Variants in DGKH observed in about 807,000 individuals in gnomAD.
DGKH encodes DAG kinase eta.
DGKH carries 90 observed loss-of-function variants against 159.3 expected under a neutral mutation model. The ratio of observed to expected loss-of-function variants is 0.57; its 90% CI spans 0.48 to 0.67. The LOEUF (loss-of-function observed/expected upper bound fraction) is 0.67, where lower values mean the gene tolerates loss of function less well. DGKH is among the 30% of genes least tolerant of loss of function. DGKH has a pLI of 0.00. For synonymous variants in DGKH, 536 were observed against 553.8 expected (o/e 0.97, Z 0.45); for missense variants, 1,181 against 1,506.1 (o/e 0.78, Z 3.57).
At chr13:42,255,869 A>T in intron 30 of DGKH, 2 of 1,046,580 alleles carry the variant, frequency 1.9e-6, no homozygotes, top group Admixed American at 2.4e-5. Flanking sequence ...AAAGAGACTG[A>T]TAGAGAAGGT....
At chr13:42,155,493 C>G in intron 4 of DGKH, 98 bp downstream of exon 4, 3 of 1,461,400 alleles carry the variant, frequency 2.1e-6, no homozygotes, top group Non-Finnish European at 2.8e-6. Context: ...TGTGTACACT[C>G]ATTCAGCAAC....
downstream of DGKH, among the ~76,000 whole-genome samples, chr13:42,246,191 C>T (rs1170233045): frequency 1.3e-5 from 2 of 152,202 alleles, no homozygotes; most frequent in South Asian, 2.1e-4. Context: ...TGTGCCACCA[C>T]CAGTACGTTC....
intron 3 of DGKH, among the ~76,000 whole-genome samples, chr13:42,147,847 G>T (rs1396529822): frequency 1.3e-5 from 2 of 152,110 alleles, no homozygotes; most frequent in African/African-American, 4.8e-5. Context: ...TTTGTTCTCG[G>T]AAGGTGCCTG....
chr13:42,042,600 A>T (rs1050059554), intron 1 of DGKH, among the ~76,000 whole-genome samples: 1 of 152,140 alleles, frequency 6.6e-6, no homozygotes, highest in Non-Finnish European at 1.5e-5. Context: ...CTCTGCACCT[A>T]TTTTCATTCC....
rs1031461867 is a variant in DGKH, at chr13:42,241,377, A to G, written c.*12189A>G. On this transcript the variant is annotated 3_prime_UTR_variant, in exon 30 of 30. Coordinates refer to ENST00000337343, the MANE Select transcript of DGKH (RefSeq NM_178009.5). ...AGAGAGGAGTCTCCTTCCACCCAAA[A>G]AAACTAACCAAATTATTTTATCATA... 1.2e-4 allele frequency: 19 copies of G among 152,198 alleles called. No individual in the cohort carries two copies. The highest frequency in any genetic ancestry group is 4.6e-4 in the African/African-American group (19 of 41,456). 9.4% of individuals were successfully genotyped at this position (152,198 alleles called of 1,614,324 possible).
chr13:42,070,496 G>A, intron 1 of DGKH: 1 of 1,278,334 alleles, frequency 7.8e-7, no homozygotes, highest in East Asian at 2.3e-5. Context: ...TAAAAGACAT[G>A]GAGATCTGTA....
intron 1 of DGKH, among the ~76,000 whole-genome samples, chr13:42,056,901 T>C (rs1881802774): frequency 6.6e-6 from 1 of 152,196 alleles, no homozygotes; most frequent in Non-Finnish European, 1.5e-5. Context: ...TATTCGTTTG[T>C]TTAATCCATG....
chr13:42,201,652 G>A (rs555656446), intron 20 of DGKH, among the ~76,000 whole-genome samples: 1 of 152,026 alleles, frequency 6.6e-6, no homozygotes, highest in Non-Finnish European at 1.5e-5. Context: ...TGGCATTCTG[G>A]TGAAAATAAA....
chr13:42,173,964 C>CGTGT (rs1555270275), intron 11 of DGKH, 96 bp from the exon 12 acceptor site: 171 of 604,356 alleles, frequency 2.8e-4, no homozygotes, highest in African/African-American at 9.0e-4. Flanking sequence ...TGTGTGCGTG[C>CGTGT]GTGTGTGTGT....
intron 1 of DGKH, among the ~76,000 whole-genome samples, chr13:42,078,049 G>T (rs1213157336): frequency 2.0e-5 from 3 of 152,158 alleles, no homozygotes; most frequent in Non-Finnish European, 4.4e-5. Flanking sequence ...TTGTTATATA[G>T]TTGCTCCTAT....
chr13:42,118,695 G>A (rs1212416963), intron 1 of DGKH, among the ~76,000 whole-genome samples: 1 of 152,226 alleles, frequency 6.6e-6, no homozygotes, highest in Non-Finnish European at 1.5e-5. Flanking sequence ...AAGTGGAGCA[G>A]AGGATATTTA....
intron 28 of DGKH, 118 bp downstream of exon 28, chr13:42,219,912 A>G (rs1566208098): frequency 7.7e-6 from 6 of 777,942 alleles, no homozygotes; most frequent in Non-Finnish European, 1.3e-5. Flanking sequence ...ATTGTGCAGT[A>G]TGATGAACAT....
chr13:42,210,537 G>C, intron 23 of DGKH, 65 bp from the exon 24 acceptor site: 6 of 1,448,978 alleles, frequency 4.1e-6, no homozygotes, highest in Non-Finnish European at 5.6e-6. Context: ...TTTTATTAAA[G>C]CACACATTTA....
At position 42,168,479 on chromosome 13, in the gene DGKH, T is replaced by G. The variant is rs747919793; in HGVS notation, c.1158T>G (p.Leu386=). 4 of 1,614,072 alleles carry G rather than the reference T, an allele frequency of 2.5e-6. No homozygotes were observed. The highest frequency in any genetic ancestry group is 3.4e-6 in the Non-Finnish European group (4 of 1,180,018). ...LFQKFDNFRI[L]VCGGDGSVGW... is the part of the protein sequence containing the mutation. ...AGAAGTTTGACAATTTCCGGATTCT[T>G]GTTTGTGGAGGCGATGGAAGTGTAG... The change falls in exon 10 of 30, where the codon CTT becomes CTG. Residue 386 remains leucine, a synonymous_variant. Coordinates refer to ENST00000337343, the MANE Select transcript of DGKH (RefSeq NM_178009.5).
At chr13:42,218,224 A>T (rs529101485) in intron 26 of DGKH, among the ~76,000 whole-genome samples, 2 of 152,314 alleles carry the variant, frequency 1.3e-5, no homozygotes, top group East Asian at 3.9e-4. Context: ...TTGAACTTGT[A>T]AGTGCATTTT....
chr13:42,058,270 T>C (rs1215513667), intron 1 of DGKH, among the ~76,000 whole-genome samples: 1 of 152,234 alleles, frequency 6.6e-6, no homozygotes, highest in Non-Finnish European at 1.5e-5. Context: ...CCAATTTTCT[T>C]TCTCATTGAT....
At chr13:42,101,545 CATT>C (rs1361152801) in intron 1 of DGKH, among the ~76,000 whole-genome samples, 1 of 152,196 alleles carries the variant, frequency 6.6e-6, no homozygotes, top group Non-Finnish European at 1.5e-5. Context: ...ACATTTCCAT[CATT>C]GCAGAAAGGT....
chr13:42,118,740 G>A (rs920397298), intron 1 of DGKH, among the ~76,000 whole-genome samples: 1 of 152,212 alleles, frequency 6.6e-6, no homozygotes. Flanking sequence ...GGTAGGCCAC[G>A]CATTTGGAGG....
chr13:42,151,486 T>C (rs1274238562), intron 3 of DGKH, among the ~76,000 whole-genome samples: 3 of 138,176 alleles, frequency 2.2e-5, no homozygotes, highest in Admixed American at 7.3e-5. Flanking sequence ...ATGGTGTGTG[T>C]GTGTGTGTGT....
Sources: gnomAD v4.1 joint callset for allele counts (sites outside exome capture counted in the v4.1 genomes callset) on GRCh38, gnomAD v4.1.1 for gene constraint, MANE v1.5 for transcripts, NCBI Gene and HGNC (gene_info 2026-07-23, HGNC 2026-07-21) for gene names.